EEFSEC: variants seen among roughly 807,000 people sequenced by gnomAD.
EEFSEC encodes selenocysteine-specific elongation factor.
EEFSEC carries 43 observed loss-of-function variants against 42.1 expected under a neutral mutation model. The observed-to-expected ratio is 1.02, with a 90% CI of 0.80 to 1.32. The LOEUF (loss-of-function observed/expected upper bound fraction) is 1.32, where lower values mean the gene tolerates loss of function less well. Ranked by LOEUF, EEFSEC falls within the 40% of genes most tolerant of loss-of-function variation. EEFSEC has a pLI of 0.00. For synonymous variants in EEFSEC, 354 were observed against 339.1 expected, an observed-to-expected ratio of 1.04 and a Z score of -0.48; for missense variants, 745 against 803.6, an observed-to-expected ratio of 0.93 and a Z score of 0.88.
intron 6 of EEFSEC, among the ~76,000 whole-genome samples, chr3:128,399,598 C>T (rs1477851674): frequency 6.6e-6 from 1 of 152,094 alleles, no homozygotes; most frequent in Non-Finnish European, 1.5e-5. Flanking sequence ...CGGCCCCCCC[C>T]AGCCAGCGAC....
chr3:128,370,154 G>A (rs760042768), intron 6 of EEFSEC, among the ~76,000 whole-genome samples: 2 of 152,218 alleles, frequency 1.3e-5, no homozygotes, highest in Non-Finnish European at 2.9e-5. Flanking sequence ...CTTTGGGTCT[G>A]TCTGATATTT....
Position 128,330,563 on chromosome 3 carries a change from G to A in EEFSEC, c.787-10670G>A, listed in dbSNP as rs536020726. 9.9e-5 allele frequency among the ~76,000 whole-genome samples: 15 copies of A among 152,250 alleles called. No homozygotes were observed. The South Asian group carries it at 3.1e-3, about 32-fold the overall frequency. ...TGGTCGGGGGACCCCTGAGGTCTCA[G>A]TGAGTGGGATTCAGCTGGGTACAGG... On this transcript the variant is annotated intron_variant, in intron 4 of 6. Coordinates refer to ENST00000254730, the MANE Select transcript of EEFSEC (RefSeq NM_021937.5).
Position 128,262,229 on chromosome 3 carries a change from T to C in EEFSEC, c.621+5T>C, listed in dbSNP as rs1159515785. 1 of 1,613,844 alleles carries C rather than the reference T, an allele frequency of 6.2e-7. No homozygotes were observed. The highest frequency in any genetic ancestry group is 1.3e-5 in the African/African-American group (1 of 74,918). ...GGCATTCCAGAGCTCATTGAGGTAC[T>C]GTCATCTTGAATCCAGGTTGCCCTT... On this transcript the variant is annotated splice_donor_5th_base_variant and intron_variant, in intron 3 of 6. Coordinates refer to ENST00000254730, the MANE Select transcript of EEFSEC (RefSeq NM_021937.5).
intron 6 of EEFSEC, among the ~76,000 whole-genome samples, chr3:128,388,822 G>C (rs532706284): frequency 6.6e-6 from 1 of 152,216 alleles, no homozygotes; most frequent in Non-Finnish European, 1.5e-5. Context: ...AAATGGAGGA[G>C]GGCTGTCTGT....
chr3:128,297,973 G>A (rs914245478), intron 4 of EEFSEC, among the ~76,000 whole-genome samples: 3 of 152,160 alleles, frequency 2.0e-5, no homozygotes, highest in Non-Finnish European at 4.4e-5. Flanking sequence ...GTAGGCCCTG[G>A]GACAGCCAAG....
At chr3:128,335,265 G>A (rs2067177255) in intron 4 of EEFSEC, among the ~76,000 whole-genome samples, 3 of 152,232 alleles carry the variant, frequency 2.0e-5, no homozygotes, top group South Asian at 4.1e-4. Flanking sequence ...GACAGCCAGT[G>A]AACAAAGGGA....
chr3:128,166,188 C>T (rs762419559), intron 1 of EEFSEC, among the ~76,000 whole-genome samples: 1 of 152,172 alleles, frequency 6.6e-6, no homozygotes, highest in Non-Finnish European at 1.5e-5. Context: ...GGAAGGGAGC[C>T]CTGAGGTGCT....
chr3:128,240,959 G>A (rs1040288636), intron 1 of EEFSEC, among the ~76,000 whole-genome samples: 2 of 152,222 alleles, frequency 1.3e-5, no homozygotes, highest in African/African-American at 4.8e-5. Context: ...TCGCCCTGGA[G>A]TCTGAGAAGC....
At chr3:128,337,435 T>C (rs1398769342) in intron 4 of EEFSEC, among the ~76,000 whole-genome samples, 1 of 152,112 alleles carries the variant, frequency 6.6e-6, no homozygotes, top group Non-Finnish European at 1.5e-5. Flanking sequence ...TTCGGCTTGA[T>C]GGGGAGGAGG....
intron 1 of EEFSEC, among the ~76,000 whole-genome samples, chr3:128,167,797 T>C (rs1372354204): frequency 6.6e-6 from 1 of 152,188 alleles, no homozygotes; most frequent in Non-Finnish European, 1.5e-5. Context: ...ATAACATAGA[T>C]CCCTCCCAGA....
chr3:128,184,370 A>G (rs1294357320), intron 1 of EEFSEC, among the ~76,000 whole-genome samples: 2 of 152,110 alleles, frequency 1.3e-5, no homozygotes, highest in Non-Finnish European at 2.9e-5. Flanking sequence ...GCTCCTGGCC[A>G]CCGCCATTCT....
chr3:128,419,099 T>C, the EEFSEC span, among the ~76,000 whole-genome samples: 2 of 152,184 alleles, frequency 1.3e-5, no homozygotes, highest in Non-Finnish European at 2.9e-5. Context: ...GGGAATTTGA[T>C]GCTATTAGGA....
intron 4 of EEFSEC, among the ~76,000 whole-genome samples, chr3:128,318,623 G>A (rs947655552): frequency 3.3e-5 from 5 of 152,208 alleles, no homozygotes; most frequent in African/African-American, 9.7e-5. Context: ...GCGAGACTGC[G>A]GACTGCTGTC....
chr3:128,223,026 A>G (rs1325204696), intron 1 of EEFSEC, among the ~76,000 whole-genome samples: 1 of 152,230 alleles, frequency 6.6e-6, no homozygotes, highest in Non-Finnish European at 1.5e-5. Flanking sequence ...GCCATATGAT[A>G]TCAGGCTGAC....
chr3:128,270,944 A>G (rs1295120509), intron 4 of EEFSEC, among the ~76,000 whole-genome samples: 2 of 152,126 alleles, frequency 1.3e-5, no homozygotes, highest in Non-Finnish European at 2.9e-5. Context: ...GCAGAAGCTG[A>G]GTCTCCTCCA....
At chr3:128,241,291 C>T (rs1219725174) in intron 1 of EEFSEC, among the ~76,000 whole-genome samples, 1 of 149,836 alleles carries the variant, frequency 6.7e-6, no homozygotes, top group African/African-American at 2.5e-5. Flanking sequence ...GACCTGCAGC[C>T]TTGACCTCTC....
chr3:128,204,833 A>T (rs1306583007), intron 1 of EEFSEC, among the ~76,000 whole-genome samples: 1 of 152,098 alleles, frequency 6.6e-6, no homozygotes, highest in Admixed American at 6.5e-5. Flanking sequence ...CCACCCAGCC[A>T]TTTTTGCCTG....
chr3:128,297,142 G>A lies in EEFSEC; in HGVS notation c.786+32361G>A, dbSNP rs116703722. Among the ~76,000 whole-genome samples the A allele has an allele frequency of 3.4e-3, 521 of 152,166 alleles. 1 individual carries two copies. Among genetic ancestry groups the A allele is most frequent in the African/African-American group, 0.012 (485 of 41,510 alleles). ...AGGGATGAACAGCATGTAAGAATCA[G>A]GGGTGCCAACTTGGGCCTGAGAGGG... On this transcript the variant is annotated intron_variant, in intron 4 of 6. Coordinates refer to ENST00000254730, the MANE Select transcript of EEFSEC (RefSeq NM_021937.5).
intron 3 of EEFSEC, among the ~76,000 whole-genome samples, chr3:128,262,986 A>G (rs976950050): frequency 6.6e-6 from 1 of 152,146 alleles, no homozygotes; most frequent in Non-Finnish European, 1.5e-5. Context: ...ACCTCAGGCA[A>G]ATGATCTACT....
Sources: allele counts gnomAD v4.1 joint callset (sites outside exome capture counted in the v4.1 genomes callset), GRCh38; gene constraint gnomAD v4.1.1; transcripts MANE v1.5; gene names NCBI Gene and HGNC (gene_info 2026-07-23, HGNC 2026-07-21).